VPS45: variants seen among roughly 807,000 people sequenced by gnomAD.
VPS45 encodes the protein vacuolar protein sorting 45 homolog.
Under a neutral mutation model 75.9 loss-of-function variants are expected in VPS45, and 35 were observed. That is an observed-to-expected ratio of 0.46 (90% CI 0.35 to 0.61). VPS45 has a LOEUF of 0.61. Ranked by LOEUF, VPS45 falls within the 20% of genes least tolerant of loss-of-function variation. VPS45 has a pLI of 0.00. For missense variants in VPS45, 559 were observed against 685.9 expected (o/e 0.81, Z 2.07); for synonymous variants, 220 against 238.2 (o/e 0.92, Z 0.70).
intron 13 of VPS45, among the ~76,000 whole-genome samples, chr1:150,107,873 C>T (rs1571875085): frequency 6.6e-6 from 1 of 152,128 alleles, no homozygotes; most frequent in Non-Finnish European, 1.5e-5. Flanking sequence ...TGCACTCCAG[C>T]CTGGGTGACA....
At chr1:150,076,825 T>G (rs1571823082) in intron 4 of VPS45, 91 bp from the exon 5 acceptor site, 1 of 1,420,428 alleles carries the variant, frequency 7.0e-7, no homozygotes, top group East Asian at 2.3e-5. Context: ...TCACAAAGTT[T>G]GGCTATATCA....
intron 13 of VPS45, among the ~76,000 whole-genome samples, chr1:150,103,628 G>C (rs1553805104): frequency 2.0e-5 from 3 of 152,162 alleles, no homozygotes; most frequent in Non-Finnish European, 4.4e-5. Flanking sequence ...GAAATGATCA[G>C]ACTGAAGGAC....
At chr1:150,110,722 C>CG in intron 14 of VPS45, 95 bp downstream of exon 14, 2 of 1,270,888 alleles carry the variant, frequency 1.6e-6, no homozygotes, top group Non-Finnish European at 2.1e-6. Flanking sequence ...CAATACTCAC[C>CG]AAACTGCTGT....
Position 150,144,868 on chromosome 1 carries a change from G to A in VPS45, c.*72G>A, listed in dbSNP as rs1341259041. 6.2e-7 allele frequency: 1 copy of A among 1,605,484 alleles called. No homozygotes were observed. Among genetic ancestry groups the A allele is most frequent in the East Asian group, 2.2e-5 (1 of 44,802 alleles). On this transcript the variant is annotated 3_prime_UTR_variant, in exon 15 of 15. Coordinates refer to ENST00000644510, the MANE Select transcript of VPS45 (RefSeq NM_007259.5). ...CAGGTTTTCCCTACTAAACAAAGGT[G>A]TTGGAGAGCAGCTTTGGGTTCTGTG...
intron 10 of VPS45, 63 bp from the exon 11 acceptor site, chr1:150,091,874 A>G: frequency 1.4e-6 from 2 of 1,468,118 alleles, no homozygotes; most frequent in Non-Finnish European, 1.9e-6. Flanking sequence ...ATTAGATCTA[A>G]GGCATTGTAC....
At chr1:150,130,379 G>C (rs1658769073) in intron 14 of VPS45, among the ~76,000 whole-genome samples, 1 of 151,052 alleles carries the variant, frequency 6.6e-6, no homozygotes, top group Non-Finnish European at 1.5e-5. Context: ...TGTAGAGAGA[G>C]GGTTTCACCA....
intron 3 of VPS45, among the ~76,000 whole-genome samples, chr1:150,073,862 C>T (rs1655216695): frequency 6.6e-6 from 1 of 152,034 alleles, no homozygotes; most frequent in South Asian, 2.1e-4. Context: ...CTGGTAACCA[C>T]TAATATTTTC....
intron 13 of VPS45, among the ~76,000 whole-genome samples, chr1:150,095,428 C>A (rs1437390226): frequency 6.6e-6 from 1 of 152,154 alleles, no homozygotes; most frequent in Non-Finnish European, 1.5e-5. Flanking sequence ...GGCTGGCCAA[C>A]ATGGCAAAAC....
In VPS45 at chr1:150,145,052, T is replaced by C. The variant is rs1659604741; in HGVS notation, c.*256T>C. On this transcript the variant is annotated 3_prime_UTR_variant, in exon 15 of 15. Transcript: ENST00000644510. ...TTAGCACAATCACTTCAGTTACTGA[T>C]GAATTTTGTTGGGATCTGACTTGGG... 3.3e-6 allele frequency: 3 copies of C among 915,072 alleles called. No individual in the cohort carries two copies. The highest frequency in any genetic ancestry group is 4.8e-6 in the Non-Finnish European group (3 of 619,740). The allele number at this position is 915,072 out of a possible 1,614,324, so 56.7% of individuals were successfully genotyped here.
chr1:150,095,984 A>C (rs1656628418), intron 13 of VPS45, among the ~76,000 whole-genome samples: 1 of 152,200 alleles, frequency 6.6e-6, no homozygotes, highest in African/African-American at 2.4e-5. Flanking sequence ...GCAGTAGTCC[A>C]GGTGAGAAAT....
Position 150,076,999 on chromosome 1 carries a change from G to T in VPS45, c.438+15G>T, listed in dbSNP as rs782046536. The T allele has an allele frequency of 6.2e-7, 1 of 1,614,064 alleles. No homozygotes were observed. The highest frequency in any genetic ancestry group is 2.2e-5 in the East Asian group (1 of 44,856). Reference sequence around the variant, plus strand: ...GTTGCTGCCAGGTATGGAAGGAAAGGTTTAATTTATCAGTCGAGAGTTAAT... The same window carrying T: ...GTTGCTGCCAGGTATGGAAGGAAAGTTTTAATTTATCAGTCGAGAGTTAAT... On this transcript the variant is annotated intron_variant, in intron 5 of 14. Coordinates refer to ENST00000644510, the MANE Select transcript of VPS45 (RefSeq NM_007259.5).
Position 150,067,855 on chromosome 1 carries a change from G to C in VPS45, c.-3G>C. 1.2e-6 allele frequency: 2 copies of C among 1,613,984 alleles called. No homozygotes were observed. Among genetic ancestry groups the C allele is most frequent in the South Asian group, 1.1e-5 (1 of 91,070 alleles). ...GCTGTAGGGTACTTGTCAATTCGCC[G>C]CCATGAACGTGGTTTTTGCTGTGAA... On this transcript the variant is annotated 5_prime_UTR_variant, in exon 1 of 15. Transcript: ENST00000644510.
At chr1:150,118,587 G>A (rs1476263776) in intron 14 of VPS45, among the ~76,000 whole-genome samples, 2 of 151,976 alleles carry the variant, frequency 1.3e-5, no homozygotes, top group African/African-American at 4.8e-5. Context: ...TGTATTTTTG[G>A]TAGAGACGGG....
At chr1:150,086,083 A>G (rs1238626837) in intron 10 of VPS45, among the ~76,000 whole-genome samples, 2 of 152,112 alleles carry the variant, frequency 1.3e-5, no homozygotes, top group African/African-American at 2.4e-5. Flanking sequence ...AAAGATCTCA[A>G]ATCATCCTGT....
At chr1:150,085,167 A>C (rs1309122794) in intron 10 of VPS45, among the ~76,000 whole-genome samples, 1 of 152,140 alleles carries the variant, frequency 6.6e-6, no homozygotes, top group Non-Finnish European at 1.5e-5. Context: ...GATATTTACC[A>C]CAAAAAATGA....
chr1:150,079,462 G>A (rs1025369034), intron 7 of VPS45, among the ~76,000 whole-genome samples: 10 of 152,084 alleles, frequency 6.6e-5, no homozygotes, highest in South Asian at 2.1e-4. Context: ...CCAGATTGGC[G>A]TGATCTCAGC....
chr1:150,108,634 C>T (rs191021021), intron 13 of VPS45, among the ~76,000 whole-genome samples: 1 of 152,134 alleles, frequency 6.6e-6, no homozygotes, highest in Non-Finnish European at 1.5e-5. Flanking sequence ...TTCTGGAAAC[C>T]AATTGAAGAA....
At chr1:150,112,120 A>G (rs1553807285) in intron 14 of VPS45, among the ~76,000 whole-genome samples, 1 of 152,122 alleles carries the variant, frequency 6.6e-6, no homozygotes, top group East Asian at 1.9e-4. Flanking sequence ...GCTAGTTCAT[A>G]TTCTTTGCCC....
chr1:150,125,026 G>A (rs1658431999), intron 14 of VPS45, among the ~76,000 whole-genome samples: 1 of 151,102 alleles, frequency 6.6e-6, no homozygotes. Flanking sequence ...TTTAAGGATG[G>A]GTCTTTATTT....
Sources: allele counts gnomAD v4.1 joint callset (sites outside exome capture counted in the v4.1 genomes callset), GRCh38; gene constraint gnomAD v4.1.1; transcripts MANE v1.5; gene names NCBI Gene and HGNC (gene_info 2026-07-23, HGNC 2026-07-21).